BRIP1: variants seen among roughly 807,000 people sequenced by gnomAD.
BRIP1 encodes the protein BRCA1 interacting DNA helicase 1.
A neutral mutation model predicts 119.7 loss-of-function variants in BRIP1; 88 were observed. The ratio of observed to expected loss-of-function variants is 0.74; its 90% CI spans 0.62 to 0.88. BRIP1 has a LOEUF of 0.88. Ranked by LOEUF, BRIP1 falls within the 40% of genes least tolerant of loss-of-function variation. BRIP1 has a pLI of 0.00. For missense variants in BRIP1, 1,259 were observed against 1,455.4 expected, an observed-to-expected ratio of 0.87 and a Z score of 2.20; for synonymous variants, 443 against 496.5, an observed-to-expected ratio of 0.89 and a Z score of 1.43.
At chr17:61,821,399 T>C (rs12452396) in intron 6 of BRIP1, among the ~76,000 whole-genome samples, 36,676 of 151,960 alleles carry the variant, frequency 0.24, 4,710 homozygotes, top group Admixed American at 0.32. Flanking sequence ...GGTGGAGAGG[T>C]GAGTTTTTCT....
In BRIP1 at chr17:61,700,550, A is replaced by G. The variant is rs1199073536; in HGVS notation, c.2493-7038T>C. Among the ~76,000 whole-genome samples the G allele has an allele frequency of 1.3e-5, 2 of 152,074 alleles. No homozygotes were observed. The highest frequency in any genetic ancestry group is 2.9e-5 in the Non-Finnish European group (2 of 68,014). On this transcript the variant is annotated intron_variant, in intron 17 of 19. Coordinates refer to ENST00000259008, the MANE Select transcript of BRIP1 (RefSeq NM_032043.3). This position sits in a 1 kb window ranked among gnomAD's most constrained non-coding sequence, Gnocchi z 4.1. ...CTTCCTGGTCTGGAGGATGTTTTGT[A>G]TATGATGAGTTATTTCTCTCTTGCC...
At chr17:61,721,457 G>T (rs1353902116) in intron 16 of BRIP1, among the ~76,000 whole-genome samples, 4 of 150,136 alleles carry the variant, frequency 2.7e-5, no homozygotes, top group Non-Finnish European at 4.4e-5. Flanking sequence ...TTTTAGTAGA[G>T]ACAAGGTTTC....
intron 14 of BRIP1, among the ~76,000 whole-genome samples, chr17:61,765,727 G>A (rs1458803281): frequency 6.6e-6 from 1 of 150,674 alleles, no homozygotes; most frequent in Non-Finnish European, 1.5e-5. Flanking sequence ...GAGCCAGCAT[G>A]CCCAGCCTAA....
At position 61,714,255 on chromosome 17, in the gene BRIP1, G is replaced by T. The variant is rs1019839180; in HGVS notation, c.2492+1696C>A. Among the ~76,000 whole-genome samples, 4 of 152,302 alleles carry T rather than the reference G, an allele frequency of 2.6e-5. No homozygotes were observed. In the East Asian group the frequency reaches 7.7e-4, roughly 29 times the overall value. On this transcript the variant is annotated intron_variant, in intron 17 of 19. Coordinates refer to ENST00000259008, the MANE Select transcript of BRIP1 (RefSeq NM_032043.3). The stretch of plus-strand genomic sequence containing the variant: ...AGTGTTTATAAAGCCTACAGTTAGT[G>T]TACAGTAATGTCCTAGGCCTTCACA...
chr17:61,776,637 T>A lies in BRIP1; in HGVS notation c.1936-75A>T, dbSNP rs993028678. 3.4e-6 allele frequency: 5 copies of A among 1,463,540 alleles called. No homozygotes were observed. The African/African-American group carries it at 4.2e-5, about 12-fold the overall frequency. 90.7% of individuals were successfully genotyped at this position (1,463,540 alleles called of 1,614,324 possible). On this transcript the variant is annotated intron_variant, in intron 13 of 19. Coordinates refer to ENST00000259008, the MANE Select transcript of BRIP1 (RefSeq NM_032043.3). This position sits in a 1 kb window ranked among gnomAD's most constrained non-coding sequence, Gnocchi z 5.0. Reference sequence around the variant, plus strand: ...AAATTAGTATTTATTTGGAAGTATGTACATAAAAGATCAAGCAACAAGTTT... The same window carrying A: ...AAATTAGTATTTATTTGGAAGTATGAACATAAAAGATCAAGCAACAAGTTT...
Position 61,698,251 on chromosome 17 carries a change from A to G in BRIP1, c.2493-4739T>C, listed in dbSNP as rs572822971. ...TTCTTCTTTGACCCACTGGTTGTTT[A>G]AAAGTATATCATTGAATTTCCATGT... On this transcript the variant is annotated intron_variant, in intron 17 of 19. Coordinates refer to ENST00000259008, the MANE Select transcript of BRIP1 (RefSeq NM_032043.3). Among the ~76,000 whole-genome samples the G allele has an allele frequency of 4.6e-5, 7 of 152,258 alleles. No individual in the cohort carries two copies. The South Asian group carries it at 1.5e-3, about 32-fold the overall frequency.
At chr17:61,784,575 T>C (rs2077676022) in intron 10 of BRIP1, 151 bp from the exon 11 acceptor site, 1 of 770,794 alleles carries the variant, frequency 1.3e-6, no homozygotes, top group Admixed American at 2.5e-5. Context: ...TCTCCAAATC[T>C]GATATTGAAA....
rs1442918363 is a variant in BRIP1 at position 61,700,266 on chromosome 17, C to T, written c.2493-6754G>A. On this transcript the variant is annotated intron_variant, in intron 17 of 19. Transcript: ENST00000259008. The surrounding 1 kb of genome is among the most constrained non-coding windows in gnomAD (Gnocchi z 4.1). ...ACCTTTATATTAACTTTTACATTTA[C>T]GTATGTCGTTAACTTTGTGGGTATT... Among the ~76,000 whole-genome samples, 2 of 152,096 alleles carry T rather than the reference C, an allele frequency of 1.3e-5. No individual in the cohort carries two copies. Among genetic ancestry groups the T allele is most frequent in the Non-Finnish European group, 2.9e-5 (2 of 68,018 alleles).
chr17:61,840,741 G>A (rs890637061), intron 6 of BRIP1, among the ~76,000 whole-genome samples: 2 of 152,072 alleles, frequency 1.3e-5, no homozygotes, highest in Non-Finnish European at 2.9e-5. Flanking sequence ...ACAATCCTAA[G>A]ATTCATATGG....
chr17:61,787,463 T>C (rs2077747802), intron 10 of BRIP1, among the ~76,000 whole-genome samples: 1 of 139,586 alleles, frequency 7.2e-6, no homozygotes, highest in African/African-American at 2.7e-5. Context: ...AAATATATAA[T>C]ATAAAAATAA....
rs2077907798 is a variant in BRIP1, at chr17:61,796,871, G to C, written c.1340+2229C>G. Among the ~76,000 whole-genome samples the C allele has an allele frequency of 6.6e-6, 1 of 151,902 alleles. No individual in the cohort carries two copies. Among genetic ancestry groups the C allele is most frequent in the Non-Finnish European group, 1.5e-5 (1 of 67,920 alleles). ...GAGGAATTGGGGATATACTGTGCAG[G>C]TGGCATCTATAAGACTTACTCATTA... is the stretch of plus-strand genomic sequence containing the variant. On this transcript the variant is annotated intron_variant, in intron 9 of 19. Transcript: ENST00000259008. The surrounding 1 kb of genome is among the most constrained non-coding windows in gnomAD (Gnocchi z 4.8).
rs1376713934 is a variant in BRIP1 at position 61,780,528 on chromosome 17, G to GACCA, written c.1795-131_1795-128dup. The GACCA allele has an allele frequency of 1.1e-6, 1 of 885,116 alleles. No individual in the cohort carries two copies. Among genetic ancestry groups the GACCA allele is most frequent in the African/African-American group, 1.7e-5 (1 of 59,668 alleles). 54.8% of individuals were successfully genotyped at this position (885,116 alleles called of 1,614,324 possible). A position where few individuals can be genotyped will look rare whatever the true frequency, so the allele number is the denominator to read the frequency against. ...AGATCGCTTGAGTCTAGGAGTCTGAGACCAGCCTGGGCAATATGGTGAAAC... is the reference window on the plus strand; with the variant it reads ...AGATCGCTTGAGTCTAGGAGTCTGAGACCAACCAGCCTGGGCAATATGGTGAAAC... On this transcript the variant is annotated intron_variant, in intron 12 of 19. Coordinates refer to ENST00000259008, the MANE Select transcript of BRIP1 (RefSeq NM_032043.3). This position sits in a 1 kb window ranked among gnomAD's most constrained non-coding sequence, Gnocchi z 5.4.
rs1192826909 is a variant in BRIP1, at chr17:61,743,120, C to A, written c.2272G>T (p.Val758Leu). Residue 758 changes from valine to leucine, a missense_variant, in exon 16 of 20, where the codon GTA becomes TTA. Transcript: ENST00000259008. This position sits in a 1 kb window ranked among gnomAD's most constrained non-coding sequence, Gnocchi z 4.3. ...YKGEKDGALL[V>L]AVCRGKVSEG... ...CTCACTTTACCACGACAAACTGCTACCAGGAGAGCTCCATCTTAAACAACA... is the reference window on the plus strand; with the variant it reads ...CTCACTTTACCACGACAAACTGCTAACAGGAGAGCTCCATCTTAAACAACA... 1 of 1,613,794 alleles carries A rather than the reference C, an allele frequency of 6.2e-7. No homozygotes were observed. Among genetic ancestry groups the A allele is most frequent in the African/African-American group, 1.3e-5 (1 of 74,884 alleles).
Position 61,843,123 on chromosome 17 carries a change from A to G in BRIP1, c.627+3978T>C, listed in dbSNP as rs2078680735. 6.6e-6 allele frequency among the ~76,000 whole-genome samples: 1 copy of G among 152,212 alleles called. No individual in the cohort carries two copies. Among genetic ancestry groups the G allele is most frequent in the Non-Finnish European group, 1.5e-5 (1 of 68,044 alleles). ...GAAATATGTCAGATGTAGAAGGAAAAATACTACATGATCTCACTTATACGT... is the reference window on the plus strand; with the variant it reads ...GAAATATGTCAGATGTAGAAGGAAAGATACTACATGATCTCACTTATACGT... On this transcript the variant is annotated intron_variant, in intron 6 of 19. Coordinates refer to ENST00000259008, the MANE Select transcript of BRIP1 (RefSeq NM_032043.3). The surrounding 1 kb of genome is among the most constrained non-coding windows in gnomAD (Gnocchi z 5.7).
intron 10 of BRIP1, among the ~76,000 whole-genome samples, chr17:61,788,604 A>G (rs2077768819): frequency 6.6e-6 from 1 of 152,198 alleles, no homozygotes; most frequent in Admixed American, 6.5e-5. Flanking sequence ...AATGTGACAA[A>G]TTAGAGAAAC....
In BRIP1 at chr17:61,755,848, A is replaced by C. The variant is rs991950160; in HGVS notation, c.2098-11257T>G. ...CAAGTTACGAGAGGAAAGGATGGTCACAATTTGGAAGGTCTGACGAAGTGG... is the reference window on the plus strand; with the variant it reads ...CAAGTTACGAGAGGAAAGGATGGTCCCAATTTGGAAGGTCTGACGAAGTGG... On this transcript the variant is annotated intron_variant, in intron 14 of 19. Transcript: ENST00000259008. This position sits in a 1 kb window ranked among gnomAD's most constrained non-coding sequence, Gnocchi z 4.5. 1.5e-4 allele frequency among the ~76,000 whole-genome samples: 23 copies of C among 152,226 alleles called. No individual in the cohort carries two copies.
chr17:61,747,702 AT>A (rs2077076095), intron 14 of BRIP1, among the ~76,000 whole-genome samples: 1 of 152,076 alleles, frequency 6.6e-6, no homozygotes, highest in African/African-American at 2.4e-5. Flanking sequence ...TATTTATTTA[AT>A]TTTATTAATT....
At chr17:61,863,130 G>C (rs2078993700) in intron 1 of BRIP1, among the ~76,000 whole-genome samples, 154 bp downstream of exon 1, 1 of 152,038 alleles carries the variant, frequency 6.6e-6, no homozygotes, top group African/African-American at 2.4e-5. Context: ...AAGGAGGTAA[G>C]GATAGGCTCC....
At chr17:61,859,979 A>T in intron 2 of BRIP1, 72 bp from the exon 3 acceptor site, 1 of 1,057,220 alleles carries the variant, frequency 9.5e-7, no homozygotes. Context: ...TCTGAAGTTT[A>T]AATAGAACAG....
Sources: gnomAD v4.1 joint callset for allele counts (sites outside exome capture counted in the v4.1 genomes callset) on GRCh38, gnomAD v4.1.1 for gene constraint, Gnocchi (gnomAD v3.1) non-coding constraint, MANE v1.5 for transcripts, NCBI Gene and HGNC (gene_info 2026-07-23, HGNC 2026-07-21) for gene names.